The following TARDBP variants were observed in gnomAD, a reference collection of about 807,000 sequenced individuals.
TARDBP encodes the protein TAR DNA binding protein.
In TARDBP, 4 loss-of-function variants were observed where a neutral mutation model predicts 38.3. The observed-to-expected ratio is 0.10, with a 90% CI of 0.05 to 0.24. TARDBP has a LOEUF of 0.24. TARDBP is among the 10% of genes least tolerant of loss of function. The pLI is 1.00. For synonymous variants in TARDBP, 184 were observed against 183.8 expected, an observed-to-expected ratio of 1.00 and a Z score of -0.01; for missense variants, 202 against 521.9, an observed-to-expected ratio of 0.39 and a Z score of 5.97.
chr1:11,014,096 G>A (rs992150618), intron 2 of TARDBP, 131 bp downstream of exon 2: 68 of 936,108 alleles, frequency 7.3e-5, no homozygotes, highest in Non-Finnish European at 1.2e-4. Context: ...TTCAGTGTTA[G>A]ACAAGTTTGG....
intron 5 of TARDBP, among the ~76,000 whole-genome samples, chr1:11,020,892 G>C (rs1298200064): frequency 1.3e-5 from 2 of 151,916 alleles, no homozygotes; most frequent in Non-Finnish European, 2.9e-5. Context: ...CCAGCCCAGT[G>C]ACAGAGTGAG....
At chr1:11,016,367 T>G (rs980966437) in intron 2 of TARDBP, 1 of 180,206 alleles carries the variant, frequency 5.5e-6, no homozygotes, top group Non-Finnish European at 1.2e-5. Flanking sequence ...AGCCTCAAAC[T>G]CCTGGACTCA....
At chr1:11,021,925 T>C (rs572728599) in intron 5 of TARDBP, among the ~76,000 whole-genome samples, 199 bp from the exon 6 acceptor site, 1 of 152,344 alleles carries the variant, frequency 6.6e-6, no homozygotes, top group East Asian at 1.9e-4. Context: ...CCTATGTCTT[T>C]TGAAAATCGA....
At chr1:11,018,176 C>G (rs528812424) in intron 3 of TARDBP, among the ~76,000 whole-genome samples, 42 of 152,234 alleles carry the variant, frequency 2.8e-4, no homozygotes, top group Non-Finnish European at 4.9e-4. Context: ...GCTACTGTGC[C>G]TGGCCTCTCT....
At position 11,014,924 on chromosome 1, in the gene TARDBP, G is replaced by A. The variant is rs1003545038; in HGVS notation, c.238+959G>A. 9.2e-5 allele frequency among the ~76,000 whole-genome samples: 13 copies of A among 141,940 alleles called. No individual in the cohort carries two copies. In the East Asian group the frequency reaches 2.0e-3, roughly 21 times the overall value. 93.1% of individuals were successfully genotyped at this position (141,940 alleles called of 152,430 possible). On this transcript the variant is annotated intron_variant, in intron 2 of 5. Transcript: ENST00000240185. ...GCACTCCAGCCTGGGCAACAAGAGC[G>A]AAACTCCGTCTCAAAACAAAAAAAA...
Position 11,022,836 on chromosome 1 carries a change from T to G in TARDBP, c.*182T>G, listed in dbSNP as rs1182293021. The G allele has an allele frequency of 1.5e-6, 2 of 1,374,358 alleles. No individual in the cohort carries two copies. Among genetic ancestry groups the G allele is most frequent in the Non-Finnish European group, 1.9e-6 (2 of 1,063,584 alleles). The allele number at this position is 1,374,358 out of a possible 1,614,324, so 85.1% of individuals were successfully genotyped here. ...AGAAAAAGGAAGAGCTAAAGGAATT[T>G]TATAAGTTTTGTTACATGAAAGGTT... On this transcript the variant is annotated 3_prime_UTR_variant, in exon 6 of 6. Transcript: ENST00000240185. This position sits in a 1 kb window ranked among gnomAD's most constrained non-coding sequence, Gnocchi z 4.5.
At chr1:11,017,248 G>A (rs1643544298) in intron 3 of TARDBP, among the ~76,000 whole-genome samples, 2 of 148,424 alleles carry the variant, frequency 1.3e-5, no homozygotes, top group South Asian at 4.3e-4. Flanking sequence ...TTGCTGCCCA[G>A]GCTGGAGTGC....
chr1:11,029,951 A>C, downstream of TARDBP: 1 of 393,686 alleles, frequency 2.5e-6, no homozygotes, highest in Non-Finnish European at 4.5e-6. Context: ...ATGCTTGCCT[A>C]GTTATAAGGT....
chr1:11,013,451 CACAGTT>C (rs1329317618), intron 1 of TARDBP, among the ~76,000 whole-genome samples: 2 of 21,482 alleles, frequency 9.3e-5, no homozygotes, highest in Non-Finnish European at 1.1e-3. Flanking sequence ...ACGTTGGACT[CACAGTT>C]ACAGTTTCAG....
In TARDBP at chr1:11,016,890, A is replaced by G; in HGVS notation, c.285A>G (p.Lys95=). ...MDETDASSAV[K]VKRAVQKTSD... ...AGACAGATGCTTCATCAGCAGTGAA[A>G]GTGAAAAGAGCAGTCCAGAAAACAT... Residue 95 remains lysine, a synonymous_variant, in exon 3 of 6, where the codon AAA becomes AAG. Coordinates refer to ENST00000240185, the MANE Select transcript of TARDBP (RefSeq NM_007375.4). 1.2e-6 allele frequency: 2 copies of G among 1,614,202 alleles called. No homozygotes were observed. Among genetic ancestry groups the G allele is most frequent in the Non-Finnish European group, 1.7e-6 (2 of 1,180,040 alleles).
At chr1:11,017,113 C>A in intron 3 of TARDBP, 106 bp downstream of exon 3, 1 of 1,318,942 alleles carries the variant, frequency 7.6e-7, no homozygotes, top group Non-Finnish European at 1.1e-6. Flanking sequence ...TCCCTAGGTT[C>A]TGGCGTCAAA....
chr1:11,019,668 G>A (rs952281883), intron 4 of TARDBP, among the ~76,000 whole-genome samples: 8 of 151,730 alleles, frequency 5.3e-5, no homozygotes, highest in Non-Finnish European at 1.0e-4. Context: ...CCGGGTTCAC[G>A]TCGTTCTCCT....
chr1:11,028,555 A>G (rs767568462), downstream of TARDBP, among the ~76,000 whole-genome samples: 2 of 152,148 alleles, frequency 1.3e-5, no homozygotes, highest in Non-Finnish European at 2.9e-5. Flanking sequence ...AAATACGCCC[A>G]TTAATGTAGC....
chr1:11,020,153 C>T (rs910336508), intron 4 of TARDBP, among the ~76,000 whole-genome samples: 1 of 152,156 alleles, frequency 6.6e-6, no homozygotes, highest in Non-Finnish European at 1.5e-5. Flanking sequence ...AGCCACCACA[C>T]CTGGCCACGA....
At chr1:11,028,605 C>T (rs1016476063), downstream of TARDBP, among the ~76,000 whole-genome samples, 1 of 151,880 alleles carries the variant, frequency 6.6e-6, no homozygotes, top group Non-Finnish European at 1.5e-5. Flanking sequence ...TGCATTAATA[C>T]CTACAGACGT....
rs1643693970 is a variant in TARDBP at position 11,024,512 on chromosome 1, A to G, written c.*1858A>G. 1 of 152,674 alleles carries G rather than the reference A, an allele frequency of 6.5e-6. No individual in the cohort carries two copies. Among genetic ancestry groups the G allele is most frequent in the Non-Finnish European group, 1.5e-5 (1 of 68,054 alleles). 9.5% of individuals were successfully genotyped at this position (152,674 alleles called of 1,614,324 possible). On this transcript the variant is annotated 3_prime_UTR_variant, in exon 6 of 6. Transcript: ENST00000240185. Reference sequence around the variant, plus strand: ...GCTTTGTAGCAAAGCATATCAATTGAAAAGGGAATATCAGCACCTTCCTAG... The same window carrying G: ...GCTTTGTAGCAAAGCATATCAATTGGAAAGGGAATATCAGCACCTTCCTAG...
At position 11,024,036 on chromosome 1, in the gene TARDBP, T is replaced by A. The variant is rs1643687642; in HGVS notation, c.*1382T>A. 1.3e-5 allele frequency: 2 copies of A among 152,668 alleles called. No individual in the cohort carries two copies. Among genetic ancestry groups the A allele is most frequent in the African/African-American group, 2.4e-5 (1 of 41,466 alleles). The allele number at this position is 152,668 out of a possible 1,614,324, so 9.5% of individuals were successfully genotyped here. On this transcript the variant is annotated 3_prime_UTR_variant, in exon 6 of 6. Transcript: ENST00000240185. ...TTGGAAATTCTTAAATAAAACTGAT[T>A]TAAATAATATGTGTCTTTGTTTTGC... is the stretch of plus-strand genomic sequence containing the variant.
downstream of TARDBP, chr1:11,030,123 C>G: frequency 7.5e-7 from 1 of 1,341,258 alleles, no homozygotes; most frequent in Non-Finnish European, 1.1e-6. Flanking sequence ...CTGTCTCCTA[C>G]CCAGTCCTCC....
intron 2 of TARDBP, among the ~76,000 whole-genome samples, chr1:11,014,799 T>TG (rs1271626217): frequency 6.6e-6 from 1 of 152,046 alleles, no homozygotes; most frequent in Admixed American, 6.6e-5. Context: ...TCTCTGGATG[T>TG]GGTGGTGGGT....
Sources: gnomAD v4.1 joint callset for allele counts (sites outside exome capture counted in the v4.1 genomes callset) on GRCh38, gnomAD v4.1.1 for gene constraint, Gnocchi (gnomAD v3.1) non-coding constraint, MANE v1.5 for transcripts, NCBI Gene and HGNC (gene_info 2026-07-23, HGNC 2026-07-21) for gene names.